The following XPO6 variants were observed in gnomAD, a reference collection of about 807,000 sequenced individuals.
The protein encoded by XPO6 is exportin-6.
In XPO6, 3 loss-of-function variants were observed where a neutral mutation model predicts 130.0. The ratio of observed to expected loss-of-function variants is 0.02; its 90% CI spans 0.01 to 0.06. XPO6 has a LOEUF of 0.06. Ranked by LOEUF, XPO6 falls within the 10% of genes least tolerant of loss-of-function variation. The pLI is 1.00. For synonymous variants in XPO6, 524 were observed against 548.9 expected (o/e 0.95, Z 0.63); for missense variants, 970 against 1,393.0 (o/e 0.70, Z 4.83).
chr16:28,176,988 A>G (rs896496049), intron 3 of XPO6, among the ~76,000 whole-genome samples: 1 of 152,204 alleles, frequency 6.6e-6, no homozygotes, highest in African/African-American at 2.4e-5. Flanking sequence ...ACATGTTACC[A>G]CAAATGACCT....
At chr16:28,139,720 T>C (rs1170111721) in intron 9 of XPO6, among the ~76,000 whole-genome samples, 2 of 152,132 alleles carry the variant, frequency 1.3e-5, no homozygotes, top group African/African-American at 4.8e-5. Flanking sequence ...ATATATACTG[T>C]AATACCCAGA....
intron 6 of XPO6, among the ~76,000 whole-genome samples, chr16:28,163,838 G>A (rs1225275421): frequency 6.6e-6 from 1 of 152,302 alleles, no homozygotes; most frequent in East Asian, 1.9e-4. Context: ...GGTTCTGGTA[G>A]GGGTTCATGT....
At chr16:28,198,374 T>C (rs1309236047) in intron 1 of XPO6, among the ~76,000 whole-genome samples, 1 of 152,124 alleles carries the variant, frequency 6.6e-6, no homozygotes, top group Non-Finnish European at 1.5e-5. Flanking sequence ...CAAAATACTT[T>C]TTACAATCAG....
intron 4 of XPO6, among the ~76,000 whole-genome samples, chr16:28,170,811 A>T (rs1177166974): frequency 6.6e-6 from 1 of 152,254 alleles, no homozygotes. Context: ...CTCTACCATA[A>T]GAAAGTTTAA....
intron 9 of XPO6, among the ~76,000 whole-genome samples, chr16:28,140,750 T>C (rs1289014671): frequency 6.6e-6 from 1 of 151,670 alleles, no homozygotes; most frequent in Non-Finnish European, 1.5e-5. Flanking sequence ...CAGCATTAAA[T>C]GCTTATATAC....
intron 1 of XPO6, among the ~76,000 whole-genome samples, chr16:28,200,240 C>T (rs945022575): frequency 1.3e-5 from 2 of 152,036 alleles, no homozygotes; most frequent in African/African-American, 4.8e-5. Context: ...TTCCTTCCAG[C>T]TCCATTTGGC....
At position 28,101,433 on chromosome 16, in the gene XPO6, T is replaced by C; in HGVS notation, c.3276+25A>G. ...TTGCGTGCCCACTCTGCCCTCCTCT[T>C]AGCCCGGCCTCTTTCTCTCCTCACC... On this transcript the variant is annotated intron_variant, in intron 23 of 23. Transcript: ENST00000304658. The surrounding 1 kb of genome is among the most constrained non-coding windows in gnomAD (Gnocchi z 5.4). 1.2e-6 allele frequency: 2 copies of C among 1,608,624 alleles called. No homozygotes were observed. Among genetic ancestry groups the C allele is most frequent in the Non-Finnish European group, 1.7e-6 (2 of 1,175,120 alleles).
chr16:28,107,998 A>G (rs2086824565), intron 17 of XPO6, among the ~76,000 whole-genome samples: 1 of 152,158 alleles, frequency 6.6e-6, no homozygotes. Flanking sequence ...AAAAAAGATA[A>G]ATAAATGTAC....
rs555160775 is a variant in XPO6, at chr16:28,101,439, G to A, written c.3276+19C>T. Reference sequence around the variant, plus strand: ...GCCCACTCTGCCCTCCTCTTAGCCCGGCCTCTTTCTCTCCTCACCCGATCC... The same window carrying A: ...GCCCACTCTGCCCTCCTCTTAGCCCAGCCTCTTTCTCTCCTCACCCGATCC... On this transcript the variant is annotated intron_variant, in intron 23 of 23. Transcript: ENST00000304658. This position sits in a 1 kb window ranked among gnomAD's most constrained non-coding sequence, Gnocchi z 5.4. 3.4e-5 allele frequency: 54 copies of A among 1,610,118 alleles called. No homozygotes were observed. The South Asian group carries it at 3.7e-4, about 11-fold the overall frequency.
At chr16:28,153,087 G>T (rs1237794872) in intron 7 of XPO6, 3 of 1,048,824 alleles carry the variant, frequency 2.9e-6, no homozygotes, top group Non-Finnish European at 3.4e-6. Context: ...GAAGGGAAAT[G>T]ATAAAAAGTT....
chr16:28,166,199 AC>A (rs2043353327), intron 6 of XPO6, among the ~76,000 whole-genome samples: 1 of 152,038 alleles, frequency 6.6e-6, no homozygotes, highest in Admixed American at 6.6e-5. Context: ...ACCTCCTGCC[AC>A]CCCTACAGAA....
rs565595376 is a variant in XPO6 at position 28,193,914 on chromosome 16, C to T, written c.4-12883G>A. On this transcript the variant is annotated intron_variant, in intron 1 of 23. Coordinates refer to ENST00000304658, the MANE Select transcript of XPO6 (RefSeq NM_015171.4). ...ATCCAACACCCTTCTTCTTCCTGGG[C>T]CCTTCCACCCCCAACAGGTGGCTGG... is the stretch of plus-strand genomic sequence containing the variant. Among the ~76,000 whole-genome samples, 8 of 152,282 alleles carry T rather than the reference C, an allele frequency of 5.3e-5. No individual in the cohort carries two copies. The South Asian group carries it at 1.7e-3, about 32-fold the overall frequency.
chr16:28,144,939 C>T (rs2042958195), intron 9 of XPO6, among the ~76,000 whole-genome samples: 1 of 152,146 alleles, frequency 6.6e-6, no homozygotes, highest in Admixed American at 6.5e-5. Context: ...GGCTTCCACT[C>T]GACAGAACCC....
intron 1 of XPO6, among the ~76,000 whole-genome samples, chr16:28,203,834 C>G (rs1197742594): frequency 6.6e-6 from 1 of 152,230 alleles, no homozygotes; most frequent in Admixed American, 6.5e-5. Context: ...CACATCCACA[C>G]AGGCATGGTG....
rs766803136 is a variant in XPO6, at chr16:28,137,846, T to TTG, written c.1335-2523_1335-2522insCA. 6.7e-4 allele frequency among the ~76,000 whole-genome samples: 102 copies of TTG among 152,150 alleles called. 2 individuals are homozygous for TTG. The highest frequency in any genetic ancestry group is 7.2e-4 in the Non-Finnish European group (49 of 67,988). Reference sequence around the variant, plus strand: ...GCACTGAGCATAGTACCCAATAGCTTTTCAGCCCCTGCCCTCCTCCCCACT... The same window carrying TTG: ...GCACTGAGCATAGTACCCAATAGCTTTGTTCAGCCCCTGCCCTCCTCCCCACT... On this transcript the variant is annotated intron_variant, in intron 9 of 23. Coordinates refer to ENST00000304658, the MANE Select transcript of XPO6 (RefSeq NM_015171.4).
chr16:28,175,908 T>C lies in XPO6; in HGVS notation c.395A>G (p.Asn132Ser). 6.2e-7 allele frequency: 1 copy of C among 1,614,000 alleles called. No individual in the cohort carries two copies. Among genetic ancestry groups the C allele is most frequent in the Non-Finnish European group, 8.5e-7 (1 of 1,179,888 alleles). Residue 132 changes from asparagine (N) to serine (S), a missense_variant, in exon 4 of 24, where the codon AAC (asparagine) becomes AGC (serine). By Grantham distance (46) the Asn-to-Ser change is conservative. Around this residue, in one of 4 missense-constraint regions of XPO6, gnomAD observed 936 missense variants for 1,306.8 expected, o/e 0.72. Transcript: ENST00000304658. The stretch of plus-strand genomic sequence containing the variant: ...TAGGCATATCCTTACCTGTAAAATG[T>C]TAGTAAAAAAGTCGTGGTAGAACAT... ...WPMFYHDFFT[N>S]ILQLIQSPVT...
intron 13 of XPO6, among the ~76,000 whole-genome samples, chr16:28,122,614 C>CTGTT (rs771657935): frequency 1.3e-5 from 2 of 151,846 alleles, no homozygotes; most frequent in East Asian, 1.9e-4. Flanking sequence ...GACCAAAATC[C>CTGTT]TGTTTGTTTG....
chr16:28,146,228 A>G (rs1375660726), intron 8 of XPO6, 25 bp from the exon 9 acceptor site: 3 of 1,512,724 alleles, frequency 2.0e-6, no homozygotes, highest in South Asian at 2.3e-5. Context: ...AAATCCAGAC[A>G]ATGAAATTAT....
At chr16:28,200,749 A>C (rs1485680816) in intron 1 of XPO6, among the ~76,000 whole-genome samples, 2 of 152,072 alleles carry the variant, frequency 1.3e-5, no homozygotes, top group African/African-American at 4.8e-5. Flanking sequence ...ACACTAGGTA[A>C]CTTTGGAGAA....
Sources: gnomAD v4.1 joint callset for allele counts (sites outside exome capture counted in the v4.1 genomes callset) on GRCh38, gnomAD v4.1.1 for gene constraint, gnomAD v4.1.1 regional missense constraint, Gnocchi (gnomAD v3.1) non-coding constraint, MANE v1.5 for transcripts, NCBI Gene and HGNC (gene_info 2026-07-23, HGNC 2026-07-21) for gene names.